The following ADCY9 variants were observed in gnomAD, a reference collection of about 807,000 sequenced individuals.
ADCY9 encodes adenylate cyclase type 9.
ADCY9 carries 50 observed loss-of-function variants against 101.5 expected under a neutral mutation model. The observed-to-expected ratio is 0.49, with a 90% confidence interval of 0.39 to 0.62. The LOEUF (loss-of-function observed/expected upper bound fraction) is 0.62. Among genes scored for constraint, ADCY9 ranks in the 20% least tolerant of loss-of-function variants. The pLI is 0.00. For synonymous variants in ADCY9, 905 were observed against 769.3 expected (o/e 1.18, Z -2.92); for missense variants, 1,662 against 1,800.4 (o/e 0.92, Z 1.39).
At chr16:4,094,311 G>C (rs1023374172) in intron 2 of ADCY9, among the ~76,000 whole-genome samples, 4 of 152,110 alleles carry the variant, frequency 2.6e-5, no homozygotes, top group African/African-American at 9.7e-5. Flanking sequence ...TTCACAACTC[G>C]GGTCTTTGTC....
chr16:3,976,459 C>T (rs897628263), intron 9 of ADCY9, among the ~76,000 whole-genome samples: 3 of 152,022 alleles, frequency 2.0e-5, no homozygotes, highest in African/African-American at 7.2e-5. Flanking sequence ...TGGGCTTGTC[C>T]CCAGAGGTCT....
intron 2 of ADCY9, among the ~76,000 whole-genome samples, chr16:4,034,685 C>T (rs911350834): frequency 7.2e-5 from 11 of 152,186 alleles, no homozygotes; most frequent in African/African-American, 2.4e-4. Flanking sequence ...TCCCAAAGCG[C>T]TGGGATTACA....
chr16:3,989,381 G>GTT (rs1344875174), intron 5 of ADCY9, among the ~76,000 whole-genome samples: 1 of 147,870 alleles, frequency 6.8e-6, no homozygotes, highest in African/African-American at 2.5e-5. Context: ...GTTTTTTGGG[G>GTT]TTTTTTTTTT....
downstream of ADCY9, among the ~76,000 whole-genome samples, chr16:3,960,335 C>T (rs1180641600): frequency 3.9e-5 from 6 of 152,112 alleles, no homozygotes; most frequent in Admixed American, 1.3e-4. Context: ...GCCTGGCCAA[C>T]GTGGTGAAAC....
rs2056374145 is a variant in ADCY9 at position 4,007,452 on chromosome 16, G to A, written c.1800C>T (p.Ser600=). ...CTGTCCCCTGTCCCCTAGGGCCTGA[G>A]GACACCTGTGAGCCGTCAATGACCT... ...GFEVIDGSQV[S]SGPRGQGTAS... is the part of the protein sequence containing the mutation. Residue 600 remains serine (S), a synonymous_variant, in exon 3 of 11, where the codon TCC becomes TCT. Coordinates refer to ENST00000294016, the MANE Select transcript of ADCY9 (RefSeq NM_001116.4). 1.9e-6 allele frequency: 3 copies of A among 1,613,950 alleles called. No individual in the cohort carries two copies. The Admixed American group carries it at 5.0e-5, about 27-fold the overall frequency.
chr16:4,107,704 C>T (rs766553707), intron 2 of ADCY9, among the ~76,000 whole-genome samples: 2 of 152,010 alleles, frequency 1.3e-5, no homozygotes, highest in Admixed American at 6.6e-5. Flanking sequence ...GGAAGGGGAA[C>T]ACCTGAGCAT....
intron 2 of ADCY9, among the ~76,000 whole-genome samples, chr16:4,112,123 C>G (rs138725339): frequency 8.7e-4 from 133 of 152,338 alleles, no homozygotes; most frequent in African/African-American, 3.2e-3. Flanking sequence ...CTCACAACAC[C>G]TGGGCCCTAA....
At chr16:3,981,123 C>T (rs921695570) in intron 7 of ADCY9, among the ~76,000 whole-genome samples, 5 of 152,198 alleles carry the variant, frequency 3.3e-5, no homozygotes, top group South Asian at 2.1e-4. Flanking sequence ...CCAGGCTTGA[C>T]GATTCCTGGT....
intron 2 of ADCY9, among the ~76,000 whole-genome samples, chr16:4,039,223 T>A (rs1597183789): frequency 6.6e-6 from 1 of 152,210 alleles, no homozygotes; most frequent in Middle Eastern, 3.4e-3. Flanking sequence ...ATGTCCTCCA[T>A]CTTTGCCGCT....
At chr16:4,008,898 G>C (rs1362271789) in intron 2 of ADCY9, among the ~76,000 whole-genome samples, 1 of 152,174 alleles carries the variant, frequency 6.6e-6, no homozygotes, top group Non-Finnish European at 1.5e-5. Flanking sequence ...GTCGTGAAGG[G>C]TGTGGCATGG....
intron 2 of ADCY9, among the ~76,000 whole-genome samples, chr16:4,053,480 G>A (rs1332469457): frequency 6.6e-6 from 1 of 152,160 alleles, no homozygotes; most frequent in African/African-American, 2.4e-5. Context: ...CCCTTCCTCT[G>A]GAGCGCTTCA....
chr16:3,987,817 G>T (rs1410946250), intron 6 of ADCY9, among the ~76,000 whole-genome samples: 3 of 152,186 alleles, frequency 2.0e-5, no homozygotes, highest in African/African-American at 7.2e-5. Context: ...TCCGGGTGGG[G>T]AGGGCATCCA....
intron 2 of ADCY9, among the ~76,000 whole-genome samples, chr16:4,041,906 T>C (rs968838888): frequency 2.1e-5 from 3 of 145,220 alleles, no homozygotes; most frequent in African/African-American, 7.6e-5. Context: ...GATGTGCCAC[T>C]GCCCCCAGCT....
intron 2 of ADCY9, among the ~76,000 whole-genome samples, chr16:4,048,353 T>C (rs908835996): frequency 7.9e-5 from 12 of 152,330 alleles, no homozygotes; most frequent in African/African-American, 2.9e-4. Flanking sequence ...GAAAAATCAT[T>C]CTAAATTAGT....
At position 4,115,383 on chromosome 16, in the gene ADCY9, G is replaced by A. The variant is rs1163042110; in HGVS notation, c.60C>T (p.Asp20=). The change falls in exon 2 of 11, where the codon GAC becomes GAT. Residue 20 remains aspartate (D), a synonymous_variant. Transcript: ENST00000294016. The surrounding 1 kb of genome is among the most constrained non-coding windows in gnomAD (Gnocchi z 6.2). The stretch of plus-strand genomic sequence containing the variant: ...GCACGCTGTTGCTGTCCCCGCTGGA[G>A]TCGCAGCTCACCTCGGTGCTGTGGT... ...LHHHSTEVSC[D]SSGDSNSVRV... is the part of the protein sequence containing the mutation. 2 of 1,600,882 alleles carry A rather than the reference G, an allele frequency of 1.2e-6. No individual in the cohort carries two copies. Among genetic ancestry groups the A allele is most frequent in the Non-Finnish European group, 8.5e-7 (1 of 1,174,304 alleles).
At chr16:3,962,037 A>AT (rs373831353), downstream of ADCY9, among the ~76,000 whole-genome samples, 36,710 of 106,466 alleles carry the variant, frequency 0.34, 5,844 homozygotes, top group Non-Finnish European at 0.46. Flanking sequence ...ATAAATAAAA[A>AT]TTAAAAAAAA....
intron 2 of ADCY9, among the ~76,000 whole-genome samples, chr16:4,089,511 C>T (rs1039654607): frequency 6.6e-6 from 1 of 151,962 alleles, no homozygotes; most frequent in Non-Finnish European, 1.5e-5. Flanking sequence ...CACTTTTTGG[C>T]AATTGTGGAT....
chr16:4,094,883 T>C (rs977524146), intron 2 of ADCY9, among the ~76,000 whole-genome samples: 1 of 152,038 alleles, frequency 6.6e-6, no homozygotes, highest in Non-Finnish European at 1.5e-5. Flanking sequence ...GGGAACCAAA[T>C]GATCCACATC....
chr16:4,046,637 T>G (rs952071419), intron 2 of ADCY9, among the ~76,000 whole-genome samples: 2 of 152,202 alleles, frequency 1.3e-5, no homozygotes, highest in African/African-American at 4.8e-5. Flanking sequence ...CTAGTAATTG[T>G]GCCTATCAGA....
Sources: gnomAD v4.1 joint callset for allele counts (sites outside exome capture counted in the v4.1 genomes callset) on GRCh38, gnomAD v4.1.1 for gene constraint, Gnocchi (gnomAD v3.1) non-coding constraint, MANE v1.5 for transcripts, NCBI Gene and HGNC (gene_info 2026-07-23, HGNC 2026-07-21) for gene names.